LY75: variants seen among roughly 807,000 people sequenced by gnomAD.
LY75 encodes the protein C-type lectin domain family 13 member B.
LY75 carries 185 observed loss-of-function variants against 231.7 expected under a neutral mutation model. That is an observed-to-expected ratio of 0.80 (90% CI 0.71 to 0.90). The LOEUF (loss-of-function observed/expected upper bound fraction) is 0.90. LY75 is among the 40% of genes least tolerant of loss of function. The pLI, the probability that LY75 is intolerant of heterozygous loss-of-function variation, is 0.00. For synonymous variants in LY75, 668 were observed against 689.0 expected, an observed-to-expected ratio of 0.97 and a Z score of 0.48; for missense variants, 1,947 against 2,050.2, an observed-to-expected ratio of 0.95 and a Z score of 0.97.
intron 28 of LY75, among the ~76,000 whole-genome samples, chr2:159,822,297 C>T (rs534338616): frequency 4.6e-5 from 7 of 152,314 alleles, no homozygotes; most frequent in South Asian, 4.1e-4. Context: ...TTGAAATTCT[C>T]GCTGCCAGCA....
intron 23 of LY75, among the ~76,000 whole-genome samples, chr2:159,845,164 A>G (rs887241587): frequency 5.9e-5 from 9 of 152,198 alleles, no homozygotes; most frequent in Non-Finnish European, 1.2e-4. Flanking sequence ...GAATAAATAG[A>G]TATATCAAAT....
intron 8 of LY75, 54 bp downstream of exon 8, chr2:159,881,029 A>G (rs936623193): frequency 1.9e-6 from 3 of 1,571,472 alleles, no homozygotes; most frequent in Non-Finnish European, 1.7e-6. Context: ...AAGTCTTAAT[A>G]TTATCATTAG....
intron 4 of LY75, among the ~76,000 whole-genome samples, chr2:159,888,407 A>C (rs537172399): frequency 6.6e-6 from 1 of 152,194 alleles, no homozygotes; most frequent in Non-Finnish European, 1.5e-5. Context: ...AGAGTTCTGC[A>C]ATTCTATATG....
At chr2:159,855,195 C>A (rs188315142) in intron 16 of LY75, among the ~76,000 whole-genome samples, 1 of 152,142 alleles carries the variant, frequency 6.6e-6, no homozygotes, top group East Asian at 1.9e-4. Flanking sequence ...CCTTGTGTCA[C>A]AGAGGTCACA....
chr2:159,877,324 T>C (rs1685306558), intron 11 of LY75, among the ~76,000 whole-genome samples: 1 of 152,212 alleles, frequency 6.6e-6, no homozygotes, highest in Non-Finnish European at 1.5e-5. Context: ...AAAATATAAA[T>C]AATTCACAGG....
intron 1 of LY75, chr2:159,902,689 C>A (rs1202430739): frequency 2.0e-5 from 3 of 152,188 alleles, no homozygotes; most frequent in Admixed American, 2.0e-4. Flanking sequence ...AAGAGAGAAT[C>A]AGAAGTCTAG....
At chr2:159,810,383 G>T (rs765194543) in intron 32 of LY75, 143 bp downstream of exon 32, 9 of 1,133,506 alleles carry the variant, frequency 7.9e-6, no homozygotes, top group Non-Finnish European at 8.5e-6. Flanking sequence ...CCCTACCACT[G>T]GGCAATTAGT....
intron 4 of LY75, among the ~76,000 whole-genome samples, chr2:159,889,291 C>A (rs1685682545): frequency 6.6e-6 from 1 of 152,062 alleles, no homozygotes; most frequent in Admixed American, 6.6e-5. Flanking sequence ...TGCAGTGATG[C>A]CATCATAGCT....
At position 159,842,334 on chromosome 2, in the gene LY75, A is replaced by T. The variant is rs2125848069; in HGVS notation, c.3191T>A (p.Leu1064His). 6.2e-7 allele frequency: 1 copy of T among 1,612,724 alleles called. No homozygotes were observed. The highest frequency in any genetic ancestry group is 2.2e-5 in the East Asian group (1 of 44,784). Reference protein sequence around the residue: ...EESRYHCALILNLQKSPFTGT... With the variant: ...EESRYHCALIHNLQKSPFTGT... ...AGTAAACGGTGATTTTTGGAGGTTG[A>T]GTATTAGGGCACAGTGGTAGCGAGA... Residue 1064 changes from leucine (L) to histidine (H), a missense_variant, in exon 24 of 35, where the codon CTC (leucine) becomes CAC (histidine). Coordinates refer to ENST00000263636, the MANE Select transcript of LY75 (RefSeq NM_002349.4).
At chr2:159,810,792 T>A in intron 31 of LY75, 117 bp from the exon 32 acceptor site, 1 of 1,452,298 alleles carries the variant, frequency 6.9e-7, no homozygotes, top group African/African-American at 1.4e-5. Flanking sequence ...AGCATTTAAC[T>A]CATACCAGAG....
chr2:159,823,460 A>G (rs891703082), intron 28 of LY75, among the ~76,000 whole-genome samples: 1 of 152,214 alleles, frequency 6.6e-6, no homozygotes, highest in Non-Finnish European at 1.5e-5. Flanking sequence ...GAAAAGACCA[A>G]ATCTACGTTT....
intron 11 of LY75, among the ~76,000 whole-genome samples, chr2:159,876,765 G>A (rs559773506): frequency 2.6e-5 from 4 of 152,022 alleles, no homozygotes; most frequent in African/African-American, 4.8e-5. Context: ...CAGCACTTTC[G>A]GAGGCTGAGG....
chr2:159,827,895 G>A (rs112593531), intron 28 of LY75, among the ~76,000 whole-genome samples: 6 of 151,096 alleles, frequency 4.0e-5, no homozygotes, highest in African/African-American at 1.5e-4. Context: ...CTCATAAGTG[G>A]GAGTTGAACA....
At chr2:159,882,412 G>A in intron 6 of LY75, 97 bp from the exon 7 acceptor site, 1 of 1,490,472 alleles carries the variant, frequency 6.7e-7, no homozygotes, top group Non-Finnish European at 8.9e-7. Flanking sequence ...GAGAGTCCTG[G>A]AAAACTGGGG....
intron 11 of LY75, among the ~76,000 whole-genome samples, chr2:159,877,028 A>AAAAAAAAAAAAAAAAAAAAAAAG (rs1553810533): frequency 8.5e-6 from 1 of 117,092 alleles, no homozygotes; most frequent in African/African-American, 3.0e-5. Context: ...AAAAAAAAAA[A>AAAAAAAAAAAAAAAAAAAAAAAG]AAAAAAGAAA....
At chr2:159,877,717 A>G (rs190252974) in intron 11 of LY75, among the ~76,000 whole-genome samples, 84 of 152,120 alleles carry the variant, frequency 5.5e-4, no homozygotes, top group African/African-American at 2.0e-3. Flanking sequence ...AGAAATACAA[A>G]AAGTAGCTGG....
At chr2:159,861,313 G>A (rs955912711) in intron 14 of LY75, among the ~76,000 whole-genome samples, 1 of 152,072 alleles carries the variant, frequency 6.6e-6, no homozygotes, top group Non-Finnish European at 1.5e-5. Context: ...AATTTTTGGT[G>A]ACAAAAATTG....
At chr2:159,888,924 G>A (rs1685671173) in intron 4 of LY75, among the ~76,000 whole-genome samples, 1 of 152,158 alleles carries the variant, frequency 6.6e-6, no homozygotes, top group Non-Finnish European at 1.5e-5. Context: ...TCATAAGGTA[G>A]TTAGATGGGA....
chr2:159,835,288 C>G (rs1046271171), intron 26 of LY75, among the ~76,000 whole-genome samples, 192 bp downstream of exon 26: 1 of 152,038 alleles, frequency 6.6e-6, no homozygotes, highest in African/African-American at 2.4e-5. Context: ...TAAAATGACC[C>G]ATTAATAATA....
Sources: gnomAD v4.1 joint callset for allele counts (sites outside exome capture counted in the v4.1 genomes callset) on GRCh38, gnomAD v4.1.1 for gene constraint, MANE v1.5 for transcripts, NCBI Gene and HGNC (gene_info 2026-07-23, HGNC 2026-07-21) for gene names.